CEP131: variants seen among roughly 807,000 people sequenced by gnomAD.
The protein encoded by CEP131 is centrosomal protein 131, also known as centrosomal protein of 131 kDa.
In CEP131, 99 loss-of-function variants were observed where a neutral mutation model predicts 136.8. That is an observed-to-expected ratio of 0.72 (90% CI 0.62 to 0.86). CEP131 has a LOEUF of 0.86. Among genes scored for constraint, CEP131 ranks in the 40% least tolerant of loss-of-function variants. CEP131 has a pLI of 0.00. For missense variants in CEP131, 1,459 were observed against 1,463.0 expected, an observed-to-expected ratio of 1.00 and a Z score of 0.04; for synonymous variants, 646 against 612.7, an observed-to-expected ratio of 1.05 and a Z score of -0.80.
rs1465362841 is a variant in CEP131, at chr17:81,191,214, C to T, written c.2744G>A (p.Ser915Asn). The change falls in exon 22 of 26, where the codon AGT becomes AAT. Residue 915 changes from serine (S) to asparagine (N), a missense_variant. Around this residue, in one of 3 missense-constraint regions of CEP131, gnomAD observed 1,026 missense variants for 964.2 expected, o/e 1.06. Coordinates refer to ENST00000450824, the MANE Select transcript of CEP131 (RefSeq NM_014984.4). ...TTACCGGCTCTCGGCAGCCTTCTCA[C>T]TCTCCTCCTTGGCCAGCGCCATGTC... ...EADMALAKEE[S>N]EKAAESRIKR... 2 of 1,612,870 alleles carry T rather than the reference C, an allele frequency of 1.2e-6. No individual in the cohort carries two copies. The highest frequency in any genetic ancestry group is 1.7e-5 in the Admixed American group (1 of 60,024).
rs1253050642 is a variant in CEP131 at position 81,190,778 on chromosome 17, G to A, written c.2968C>T (p.Arg990Cys). The A allele has an allele frequency of 3.1e-6, 5 of 1,611,316 alleles. No individual in the cohort carries two copies. Among genetic ancestry groups the A allele is most frequent in the African/African-American group, 1.3e-5 (1 of 75,024 alleles). The change falls in exon 24 of 26, where the codon CGC becomes TGC. Residue 990 changes from arginine (R) to cysteine (C), a missense_variant. Physicochemically the swap from Arg to Cys is radical, Grantham distance 180 (BLOSUM62 -3). Transcript: ENST00000450824. ...QAVNEQLSSE[R>C]SNLAQVIRQE... ...CGGATCACCTGGGCCAGGTTGCTGC[G>A]CTCGCTAGAAAGCTGCTCGTTCACC... is the stretch of plus-strand genomic sequence containing the variant.
In CEP131 at chr17:81,198,105, C is replaced by T. The variant is rs370832731; in HGVS notation, c.1470+10G>A. The stretch of plus-strand genomic sequence containing the variant: ...ACAGACTGTGCAGGGCGGGCGCACA[C>T]CGTGGTCACCTCGCTGGCCCAGGCG... On this transcript the variant is annotated intron_variant, in intron 12 of 25. Coordinates refer to ENST00000450824, the MANE Select transcript of CEP131 (RefSeq NM_014984.4). 5.3e-5 allele frequency: 82 copies of T among 1,552,602 alleles called. No homozygotes were observed. In the African/African-American group the frequency reaches 9.4e-4, roughly 18 times the overall value.
Position 81,203,402 on chromosome 17 carries a change from G to A in CEP131, c.629+92C>T. On this transcript the variant is annotated intron_variant, in intron 6 of 25. Transcript: ENST00000450824. This position sits in a 1 kb window ranked among gnomAD's most constrained non-coding sequence, Gnocchi z 4.6. ...AGAACCCTGTGTGAACTGACCGCGT[G>A]CCCTGACCGAGGTCGGACCCCAGGT... The A allele has an allele frequency of 9.9e-7, 1 of 1,010,496 alleles. No individual in the cohort carries two copies. Among genetic ancestry groups the A allele is most frequent in the South Asian group, 1.5e-5 (1 of 68,442 alleles). 62.6% of individuals were successfully genotyped at this position (1,010,496 alleles called of 1,614,324 possible).
At chr17:81,202,168 C>G in intron 7 of CEP131, 72 bp downstream of exon 7, 7 of 710,534 alleles carry the variant, frequency 9.9e-6, no homozygotes, top group Non-Finnish European at 1.4e-5. Flanking sequence ...GTGTGAGCCC[C>G]CCAGACCCTG....
At chr17:81,198,758 TTAAGTG>T (rs2061823797) in intron 11 of CEP131, 113 bp downstream of exon 11, 1 of 1,043,918 alleles carries the variant, frequency 9.6e-7, no homozygotes, top group South Asian at 1.5e-5. Context: ...CTCTCTGAGC[TTAAGTG>T]GCCCCTAGAG....
At chr17:81,197,504 A>C (rs2061786715) in intron 13 of CEP131, 2 of 748,296 alleles carry the variant, frequency 2.7e-6, no homozygotes, top group African/African-American at 1.9e-5. Flanking sequence ...CTCCACCCTG[A>C]GAGACCCGTG....
intron 2 of CEP131, among the ~76,000 whole-genome samples, chr17:81,213,884 C>T (rs1421361790): frequency 6.6e-6 from 1 of 152,192 alleles, no homozygotes; most frequent in African/African-American, 2.4e-5. Context: ...AACCCATCCA[C>T]CACCCAGTCT....
At position 81,197,891 on chromosome 17, in the gene CEP131, G is replaced by A; in HGVS notation, c.1471-3C>T. ...GTCAGAGAGCTGGCGTCATCCTCCT[G>A]TGGGACAGGAGCCCAGCATCGGGGG... On this transcript the variant is annotated splice_region_variant and splice_polypyrimidine_tract_variant and intron_variant, in intron 12 of 25. Transcript: ENST00000450824. 1 of 1,611,146 alleles carries A rather than the reference G, an allele frequency of 6.2e-7. No homozygotes were observed.
intron 6 of CEP131, 34 bp from the exon 7 acceptor site, chr17:81,202,432 C>T (rs758046053): frequency 3.1e-6 from 5 of 1,601,252 alleles, no homozygotes; most frequent in East Asian, 2.2e-5. Context: ...CTCGTCTCAC[C>T]GCCCAGGGGA....
intron 1 of CEP131, among the ~76,000 whole-genome samples, chr17:81,222,344 C>T (rs1321562059): frequency 6.6e-6 from 1 of 152,206 alleles, no homozygotes; most frequent in African/African-American, 2.4e-5. Context: ...CCAGAGCCCA[C>T]GCGCAGAGCA....
chr17:81,211,242 A>G (rs1035366324), intron 2 of CEP131, among the ~76,000 whole-genome samples: 1 of 152,238 alleles, frequency 6.6e-6, no homozygotes, highest in Non-Finnish European at 1.5e-5. Context: ...CTGTGCTCCC[A>G]GGGCCCCAAA....
chr17:81,217,027 T>C (rs1052142264), intron 2 of CEP131, among the ~76,000 whole-genome samples: 4 of 152,200 alleles, frequency 2.6e-5, no homozygotes, highest in African/African-American at 7.2e-5. Context: ...GGAGGCAACA[T>C]CGCCCAGGGA....
rs986933454 is a variant in CEP131, at chr17:81,203,996, G to C, written c.516-389C>G. 1 of 192,308 alleles carries C rather than the reference G, an allele frequency of 5.2e-6. No individual in the cohort carries two copies. The highest frequency in any genetic ancestry group is 1.5e-4 in the East Asian group (1 of 6,744). 11.9% of individuals were successfully genotyped at this position (192,308 alleles called of 1,614,324 possible). On this transcript the variant is annotated intron_variant, in intron 5 of 25. Transcript: ENST00000450824. The surrounding 1 kb of genome is among the most constrained non-coding windows in gnomAD (Gnocchi z 4.6). Reference sequence around the variant, plus strand: ...TCTGCCTCTGCCCCTCCGCAGACCCGCAGGAAGGCGGGAGGACAGGACCAA... The same window carrying C: ...TCTGCCTCTGCCCCTCCGCAGACCCCCAGGAAGGCGGGAGGACAGGACCAA...
At position 81,203,150 on chromosome 17, in the gene CEP131, T is replaced by C. The variant is rs1445064328; in HGVS notation, c.629+344A>G. Among the ~76,000 whole-genome samples, 1 of 152,072 alleles carries C rather than the reference T, an allele frequency of 6.6e-6. No homozygotes were observed. The highest frequency in any genetic ancestry group is 1.5e-5 in the Non-Finnish European group (1 of 68,008). ...CGCCTTCTGGGCTCTGCACAAGCCT[T>C]GGCTTCCTCCTGGGGGCCCCACCTC... On this transcript the variant is annotated intron_variant, in intron 6 of 25. Coordinates refer to ENST00000450824, the MANE Select transcript of CEP131 (RefSeq NM_014984.4). The surrounding 1 kb of genome is among the most constrained non-coding windows in gnomAD (Gnocchi z 4.6).
Position 81,198,180 on chromosome 17 carries a change from T to C in CEP131, c.1405A>G (p.Lys469Glu). 2 of 1,583,894 alleles carry C rather than the reference T, an allele frequency of 1.3e-6. No homozygotes were observed. The highest frequency in any genetic ancestry group is 1.7e-6 in the Non-Finnish European group (2 of 1,164,884). Residue 469 changes from lysine to glutamate, a missense_variant, in exon 12 of 26, where the codon AAG (lysine) becomes GAG (glutamate). Physicochemically the swap from Lys to Glu is moderately conservative, Grantham distance 56. Coordinates refer to ENST00000450824, the MANE Select transcript of CEP131 (RefSeq NM_014984.4). The stretch of plus-strand genomic sequence containing the variant: ...GGGCGGGGCAGCACGTCCGGCTCCT[T>C]CTCCAGCAGCTGCAGTGTGTGCAGC... ...ELLHTLQLLE[K>E]EPDVLPRPRT... is the part of the protein sequence containing the mutation.
chr17:81,198,189 GC>G lies in CEP131; in HGVS notation c.1395del (p.Gln465HisfsTer33), dbSNP rs753568076. 4.0e-5 allele frequency: 64 copies of G among 1,586,854 alleles called. No individual in the cohort carries two copies. Among genetic ancestry groups the G allele is most frequent in the Non-Finnish European group, 5.3e-5 (62 of 1,166,556 alleles). The stretch of plus-strand genomic sequence containing the variant: ...AGCACGTCCGGCTCCTTCTCCAGCA[GC>G]TGCAGTGTGTGCAGCAGCTCCTCCA... ...GPLEELLHTL[Q>X]LLEKEPDVLP... On this transcript the variant is annotated frameshift_variant, in exon 12 of 26. Coordinates refer to ENST00000450824, the MANE Select transcript of CEP131 (RefSeq NM_014984.4). LOFTEE classifies it high-confidence loss of function.
At chr17:81,216,041 G>A (rs1178217931) in intron 2 of CEP131, among the ~76,000 whole-genome samples, 1 of 151,872 alleles carries the variant, frequency 6.6e-6, no homozygotes, top group African/African-American at 2.4e-5. Flanking sequence ...GCAACCTAGT[G>A]AGACCCCTGT....
At position 81,207,156 on chromosome 17, in the gene CEP131, G is replaced by A; in HGVS notation, c.356C>T (p.Pro119Leu). 6.2e-7 allele frequency: 1 copy of A among 1,613,394 alleles called. No homozygotes were observed. The highest frequency in any genetic ancestry group is 8.5e-7 in the Non-Finnish European group (1 of 1,179,832). The change falls in exon 4 of 26, where the codon CCC becomes CTC. Residue 119 changes from proline to leucine, a missense_variant. Pro to Leu is a moderately conservative substitution (Grantham distance 98). This residue lies in a region of CEP131 where 187 missense variants were observed against 179.9 expected (regional missense o/e 1.04). Coordinates refer to ENST00000450824, the MANE Select transcript of CEP131 (RefSeq NM_014984.4). ...KKRPASLSTA[P>L]SEKGATWNVL... is the part of the protein sequence containing the mutation. Reference sequence around the variant, plus strand: ...GTTCCAGGTGGCTCCCTTCTCGCTGGGGGCTGTGCTCAGGCTGGCAGGCCT... The same window carrying A: ...GTTCCAGGTGGCTCCCTTCTCGCTGAGGGCTGTGCTCAGGCTGGCAGGCCT...
At chr17:81,190,209 C>G (rs1291646864) in intron 24 of CEP131, among the ~76,000 whole-genome samples, 1 of 152,190 alleles carries the variant, frequency 6.6e-6, no homozygotes, top group Non-Finnish European at 1.5e-5. Flanking sequence ...GCCTGGTACC[C>G]AGATGGGGTG....
Sources: gnomAD v4.1 joint callset for allele counts (sites outside exome capture counted in the v4.1 genomes callset) on GRCh38, gnomAD v4.1.1 for gene constraint, gnomAD v4.1.1 regional missense constraint, Gnocchi (gnomAD v3.1) non-coding constraint, MANE v1.5 for transcripts, NCBI Gene and HGNC (gene_info 2026-07-23, HGNC 2026-07-21) for gene names.